Variants in TPX2 observed in about 807,000 individuals in gnomAD.
TPX2 encodes the protein targeting protein for Xklp2.
Under a neutral mutation model 93.6 loss-of-function variants are expected in TPX2, and 21 were observed. That is an observed-to-expected ratio of 0.22 (90% CI 0.16 to 0.32). The LOEUF is 0.32. Among genes scored for constraint, TPX2 ranks in the 10% least tolerant of loss-of-function variants. TPX2 has a pLI of 1.00. For synonymous variants in TPX2, 281 were observed against 298.3 expected (o/e 0.94, Z 0.60); for missense variants, 776 against 871.1 (o/e 0.89, Z 1.37).
chr20:31,771,601 A>G lies in TPX2; in HGVS notation c.527A>G (p.His176Arg), dbSNP rs780566978. The change falls in exon 7 of 18, where the codon CAT becomes CGT. Residue 176 changes from histidine (H) to arginine (R), a missense_variant. Around this residue, in one of 3 missense-constraint regions of TPX2, gnomAD observed 279 missense variants for 261.6 expected, o/e 1.07. Coordinates refer to ENST00000300403, the MANE Select transcript of TPX2 (RefSeq NM_012112.5). ...AAGCCAGAGGAAGAAGGCAGTGCTCATCAAGATACTGCTGAAAAGAATGCA... is the reference window on the plus strand; with the variant it reads ...AAGCCAGAGGAAGAAGGCAGTGCTCGTCAAGATACTGCTGAAAAGAATGCA... ...KKKPEEEGSA[H>R]QDTAEKNASS... 1 of 1,614,002 alleles carries G rather than the reference A, an allele frequency of 6.2e-7. No individual in the cohort carries two copies. Among genetic ancestry groups the G allele is most frequent in the Non-Finnish European group, 8.5e-7 (1 of 1,179,954 alleles).
chr20:31,784,611 A>G (rs1029309603), intron 12 of TPX2, among the ~76,000 whole-genome samples: 13 of 152,238 alleles, frequency 8.5e-5, no homozygotes, highest in African/African-American at 2.9e-4. Flanking sequence ...AGTAGGAATT[A>G]CATGATAAAA....
Position 31,740,159 on chromosome 20 carries a change from T to A in TPX2, c.-178+538T>A, listed in dbSNP as rs1260976315. 2.6e-5 allele frequency among the ~76,000 whole-genome samples: 4 copies of A among 152,218 alleles called. No individual in the cohort carries two copies. The East Asian group carries it at 7.7e-4, about 29-fold the overall frequency. ...AGAATTGGTTTACCCCCTATTTTCT[T>A]GACATATAACGTCTGGTTTTCCACA... On this transcript the variant is annotated intron_variant, in intron 1 of 17. Coordinates refer to ENST00000300403, the MANE Select transcript of TPX2 (RefSeq NM_012112.5).
chr20:31,748,082 GTATT>G (rs1470976495), intron 2 of TPX2, among the ~76,000 whole-genome samples: 2 of 152,224 alleles, frequency 1.3e-5, no homozygotes, highest in Admixed American at 6.5e-5. Context: ...CAATGGATAT[GTATT>G]TATTTATTCT....
At chr20:31,776,579 G>T (rs1031985759) in intron 8 of TPX2, among the ~76,000 whole-genome samples, 1 of 150,892 alleles carries the variant, frequency 6.6e-6, no homozygotes, top group Non-Finnish European at 1.5e-5. Flanking sequence ...AGGCTGGAGT[G>T]CAGTGGCGTG....
Position 31,741,287 on chromosome 20 carries a change from T to C in TPX2, c.-177-1254T>C, listed in dbSNP as rs926322835. 9.2e-5 allele frequency among the ~76,000 whole-genome samples: 14 copies of C among 152,218 alleles called. No homozygotes were observed. In the South Asian group the frequency reaches 1.0e-3, roughly 11 times the overall value. ...GGCAAAGTTAGGAAGCAAAATTGACTATAGAGTTGTTTTTTTTGTTTTTGT... is the reference window on the plus strand; with the variant it reads ...GGCAAAGTTAGGAAGCAAAATTGACCATAGAGTTGTTTTTTTTGTTTTTGT... On this transcript the variant is annotated intron_variant, in intron 1 of 17. Transcript: ENST00000300403.
At chr20:31,762,722 T>C (rs1389451714) in intron 4 of TPX2, among the ~76,000 whole-genome samples, 1 of 152,182 alleles carries the variant, frequency 6.6e-6, no homozygotes, top group Non-Finnish European at 1.5e-5. Context: ...GAGTTGATTT[T>C]TGTATATGGT....
intron 4 of TPX2, 76 bp from the exon 5 acceptor site, chr20:31,766,454 GGTGTGTGTGTGTGTGTGTGTGTGTGT>G (rs35700111): frequency 1.1e-5 from 8 of 720,552 alleles, no homozygotes; most frequent in Non-Finnish European, 1.5e-5. Context: ...GCTTAGACAG[GGTGTGTGTGTGTGTGTGTGTGTGTGT>G]GTGTGTGTGT....
Position 31,778,832 on chromosome 20 carries a change from G to A in TPX2, c.902G>A (p.Cys301Tyr), listed in dbSNP as rs1568595726. 7 of 1,594,040 alleles carry A rather than the reference G, an allele frequency of 4.4e-6. 1 individual carries two copies. The highest frequency in any genetic ancestry group is 5.1e-6 in the Non-Finnish European group (6 of 1,173,384). ...TTACAGGCCCGAGTGACTAAGGGAT[G>A]TACCATTGTTAAGCCTTTCAACCTG... is the stretch of plus-strand genomic sequence containing the variant. ...PSSPARVTKG[C>Y]TIVKPFNLSQ... The change falls in exon 10 of 18, where the codon TGT (cysteine) becomes TAT (tyrosine). Residue 301 changes from cysteine to tyrosine, a missense_variant. Physicochemically the swap from Cys to Tyr is radical, Grantham distance 194. Coordinates refer to ENST00000300403, the MANE Select transcript of TPX2 (RefSeq NM_012112.5).
intron 2 of TPX2, among the ~76,000 whole-genome samples, chr20:31,743,977 T>A (rs1267096937): frequency 2.6e-5 from 4 of 151,744 alleles, no homozygotes; most frequent in Non-Finnish European, 5.9e-5. Flanking sequence ...CGCCTCTGCC[T>A]CCCAAAGTGC....
chr20:31,792,821 A>G lies in TPX2; in HGVS notation c.1500A>G (p.Lys500=). 6.2e-7 allele frequency: 1 copy of G among 1,614,128 alleles called. No individual in the cohort carries two copies. Among genetic ancestry groups the G allele is most frequent in the South Asian group, 1.1e-5 (1 of 91,080 alleles). The change falls in exon 13 of 18, where the codon AAA becomes AAG. Residue 500 remains lysine, a synonymous_variant. Coordinates refer to ENST00000300403, the MANE Select transcript of TPX2 (RefSeq NM_012112.5). ...AGAACAGAATTCGAATGCCCACCAA[A>G]GAAGATGAGGTGATTCCCTGGGAGT... ...ALKNRIRMPT[K]EDEEEDEPVV... is the part of the protein sequence containing the mutation.
chr20:31,769,048 AT>A (rs1326973505), intron 5 of TPX2, among the ~76,000 whole-genome samples: 2 of 152,212 alleles, frequency 1.3e-5, no homozygotes, highest in Non-Finnish European at 2.9e-5. Context: ...TCTCACATAC[AT>A]AAAGTTGAGT....
At chr20:31,777,378 A>G in intron 8 of TPX2, 109 bp from the exon 9 acceptor site, 4 of 1,373,614 alleles carry the variant, frequency 2.9e-6, no homozygotes, top group Non-Finnish European at 3.9e-6. Flanking sequence ...GATAGTAAGC[A>G]AAGTTAGATC....
intron 4 of TPX2, among the ~76,000 whole-genome samples, chr20:31,766,105 TA>T (rs2061923304): frequency 6.6e-6 from 1 of 152,262 alleles, no homozygotes; most frequent in Non-Finnish European, 1.5e-5. Flanking sequence ...AAGTTTATCT[TA>T]ATACAGCATT....
intron 4 of TPX2, among the ~76,000 whole-genome samples, chr20:31,764,030 A>C (rs1157152175): frequency 6.6e-6 from 1 of 151,902 alleles, no homozygotes; most frequent in African/African-American, 2.4e-5. Context: ...AAAACAAAAA[A>C]TTATATACAT....
chr20:31,778,950 C>T lies in TPX2; in HGVS notation c.1020C>T (p.Asn340=), dbSNP rs1282244577. Residue 340 remains asparagine (N), a synonymous_variant, in exon 10 of 18, where the codon AAC becomes AAT. Transcript: ENST00000300403. ...AAGACTTCCATAAACGAACCCCTAA[C>T]AGATATCATTTGAGGAGCAAGAAGG... The part of the protein sequence containing the change: ...QVEDFHKRTP[N]RYHLRSKKDD... 6.2e-7 allele frequency: 1 copy of T among 1,604,892 alleles called. No individual in the cohort carries two copies.
intron 12 of TPX2, among the ~76,000 whole-genome samples, chr20:31,786,402 T>TTTTTTTTGTTTTG (rs762475787): frequency 0.068 from 7,571 of 111,478 alleles, 248 homozygotes; most frequent in Middle Eastern, 0.12. Context: ...GAACTACTGT[T>TTTTTTTTGTTTTG]TTTTTTTTTT....
intron 4 of TPX2, among the ~76,000 whole-genome samples, chr20:31,762,726 A>G (rs1161389247): frequency 6.6e-6 from 1 of 152,144 alleles, no homozygotes; most frequent in Non-Finnish European, 1.5e-5. Flanking sequence ...TGATTTTTGT[A>G]TATGGTAAGA....
intron 10 of TPX2, among the ~76,000 whole-genome samples, chr20:31,779,729 T>C (rs923370198): frequency 6.6e-6 from 1 of 152,064 alleles, no homozygotes; most frequent in Middle Eastern, 3.2e-3. Flanking sequence ...AGATAACTAA[T>C]GGATTAAGTC....
Position 31,801,580 on chromosome 20 carries a change from A to G in TPX2, c.*500A>G, listed in dbSNP as rs1311047667. On this transcript the variant is annotated 3_prime_UTR_variant, in exon 18 of 18. Transcript: ENST00000300403. ...CTCTGCATACCGTGAATTTATAGTT[A>G]AGGATCCCTTTGCTGTGAGGGTAGA... The G allele has an allele frequency of 6.6e-6, 1 of 152,482 alleles. No individual in the cohort carries two copies. Among genetic ancestry groups the G allele is most frequent in the Non-Finnish European group, 1.5e-5 (1 of 68,256 alleles). The allele number at this position is 152,482 out of a possible 1,614,324, so 9.4% of individuals were successfully genotyped here.
Sources: gnomAD v4.1 joint callset for allele counts (sites outside exome capture counted in the v4.1 genomes callset) on GRCh38, gnomAD v4.1.1 for gene constraint, gnomAD v4.1.1 regional missense constraint, MANE v1.5 for transcripts, NCBI Gene and HGNC (gene_info 2026-07-23, HGNC 2026-07-21) for gene names.